The following FLT1 variants were observed in gnomAD, a reference collection of about 807,000 sequenced individuals.
The protein encoded by FLT1 is fms related receptor tyrosine kinase 1.
A neutral mutation model predicts 156.3 loss-of-function variants in FLT1; 49 were observed. The ratio of observed to expected loss-of-function variants is 0.31; its 90% CI spans 0.25 to 0.40. The LOEUF is 0.40. Ranked by LOEUF, FLT1 falls within the 10% of genes least tolerant of loss-of-function variation. The pLI is 1.00. For synonymous variants in FLT1, 594 were observed against 583.8 expected, an observed-to-expected ratio of 1.02 and a Z score of -0.25; for missense variants, 1,322 against 1,637.2, an observed-to-expected ratio of 0.81 and a Z score of 3.32.
At position 28,470,823 on chromosome 13, in the gene FLT1, T is replaced by C. The variant is rs1593831147; in HGVS notation, c.65-3206A>G. ...CTCCTGCCTCAGCCTTCCAAGTAGCTGTGATTACAGGCGCCTGCCACCACA... is the reference window on the plus strand; with the variant it reads ...CTCCTGCCTCAGCCTTCCAAGTAGCCGTGATTACAGGCGCCTGCCACCACA... On this transcript the variant is annotated intron_variant, in intron 1 of 29. Coordinates refer to ENST00000282397, the MANE Select transcript of FLT1 (RefSeq NM_002019.4). Among the ~76,000 whole-genome samples, 3 of 152,318 alleles carry C rather than the reference T, an allele frequency of 2.0e-5. No individual in the cohort carries two copies. In the East Asian group the frequency reaches 5.8e-4, roughly 29 times the overall value.
intron 10 of FLT1, among the ~76,000 whole-genome samples, chr13:28,421,926 G>A (rs1030936221): frequency 2.0e-5 from 3 of 152,268 alleles, no homozygotes; most frequent in Non-Finnish European, 2.9e-5. Flanking sequence ...AGTCAGGGAC[G>A]GTGCCAAGAA....
At chr13:28,310,158 G>C (rs988607885) in intron 27 of FLT1, among the ~76,000 whole-genome samples, 6 of 152,120 alleles carry the variant, frequency 3.9e-5, no homozygotes, top group African/African-American at 1.4e-4. Context: ...CCAGAGTGCT[G>C]GGATTACAGG....
chr13:28,337,149 C>CT (rs80124550), intron 17 of FLT1, among the ~76,000 whole-genome samples: 5,591 of 143,008 alleles, frequency 0.039, 282 homozygotes, highest in Admixed American at 0.16. Flanking sequence ...AGTGAGGAAT[C>CT]TTTTTTTTTT....
Position 28,322,976 on chromosome 13 carries a change from A to T in FLT1, c.2797-30T>A, listed in dbSNP as rs1327615428. On this transcript the variant is annotated intron_variant, in intron 20 of 29. Coordinates refer to ENST00000282397, the MANE Select transcript of FLT1 (RefSeq NM_002019.4). The surrounding 1 kb of genome is among the most constrained non-coding windows in gnomAD (Gnocchi z 4.3). ...GAAGAGACCGAAAAGGACCCAGGTG[A>T]AAAGGAGCTCCAGCACAGCAGTGGG... 6.2e-7 allele frequency: 1 copy of T among 1,613,358 alleles called. No homozygotes were observed. Among genetic ancestry groups the T allele is most frequent in the East Asian group, 2.2e-5 (1 of 44,886 alleles).
intron 3 of FLT1, among the ~76,000 whole-genome samples, chr13:28,451,656 T>C (rs1448040005): frequency 6.6e-6 from 1 of 151,972 alleles, no homozygotes; most frequent in East Asian, 1.9e-4. Context: ...AGGAGGGCAG[T>C]TGAGGGGAGG....
chr13:28,437,700 C>G (rs1878106925), intron 4 of FLT1, among the ~76,000 whole-genome samples: 1 of 152,154 alleles, frequency 6.6e-6, no homozygotes, highest in Non-Finnish European at 1.5e-5. Context: ...CTTCTTTCCT[C>G]CCTTTTTCCC....
Position 28,334,062 on chromosome 13 carries a change from T to C in FLT1, c.2556A>G (p.Ser852=), listed in dbSNP as rs745375545. ...VQASAFGIKK[S]PTCRTVAVKM... ...TCACAGCCACAGTCCGGCACGTAGG[T>C]GATTTCTTAATGCCAAATGCTGATG... is the stretch of plus-strand genomic sequence containing the variant. The change falls in exon 18 of 30, where the codon TCA becomes TCG. Residue 852 remains serine (S), a synonymous_variant. Coordinates refer to ENST00000282397, the MANE Select transcript of FLT1 (RefSeq NM_002019.4). 1.2e-4 allele frequency: 190 copies of C among 1,613,544 alleles called. No individual in the cohort carries two copies. Among genetic ancestry groups the C allele is most frequent in the Non-Finnish European group, 1.6e-4 (187 of 1,179,582 alleles).
At chr13:28,389,539 G>T in intron 13 of FLT1, 1 of 1,429,900 alleles carries the variant, frequency 7.0e-7, no homozygotes, top group South Asian at 1.6e-5. Flanking sequence ...CAGCCCCCTC[G>T]GCCTGAATGG....
chr13:28,409,806 G>T (rs960396995), intron 10 of FLT1, among the ~76,000 whole-genome samples: 39 of 151,292 alleles, frequency 2.6e-4, no homozygotes, highest in African/African-American at 9.2e-4. Flanking sequence ...AGTAAGAAAA[G>T]ACATCTCAAA....
At position 28,345,492 on chromosome 13, in the gene FLT1, TC is replaced by T; in HGVS notation, c.2307del (p.Thr770LeufsTer7). On this transcript the variant is annotated frameshift_variant, in exon 16 of 30. Transcript: ENST00000282397. LOFTEE classifies it high-confidence loss of function. Reference protein sequence around the residue: ...LITLTCTCVAATLFWLLLTLF... With the variant: ...LITLTCTCVAXTLFWLLLTLF... ...AGGGTTAATAGGAGCCAGAAGAGAG[TC>T]GCAGCCACACAGGTGCATGTTAGAG... 6.2e-7 allele frequency: 1 copy of T among 1,612,930 alleles called. No homozygotes were observed. Among genetic ancestry groups the T allele is most frequent in the Middle Eastern group, 1.7e-4 (1 of 6,056 alleles).
intron 11 of FLT1, among the ~76,000 whole-genome samples, chr13:28,402,350 C>T (rs1875495346): frequency 1.3e-5 from 2 of 152,120 alleles, no homozygotes; most frequent in African/African-American, 4.8e-5. Flanking sequence ...AAGGAAAAAG[C>T]ACTGCATATA....
In FLT1 at chr13:28,405,732, G is replaced by T. The variant is rs537671237; in HGVS notation, c.1551+48C>A. On this transcript the variant is annotated intron_variant, in intron 11 of 29. Transcript: ENST00000282397. Reference sequence around the variant, plus strand: ...ATAAACCTAGAATTGGGAGCTGAGAGTGTATTTGTGGAATAAATATCCCAG... The same window carrying T: ...ATAAACCTAGAATTGGGAGCTGAGATTGTATTTGTGGAATAAATATCCCAG... 5.0e-6 allele frequency: 5 copies of T among 1,009,362 alleles called. No homozygotes were observed. The African/African-American group carries it at 6.3e-5, about 13-fold the overall frequency. The allele number at this position is 1,009,362 out of a possible 1,614,324, so 62.5% of individuals were successfully genotyped here.
chr13:28,321,448 A>ATGTAAG lies in FLT1; in HGVS notation c.3174+14_3174+15insCTTACA, dbSNP rs780769183. On this transcript the variant is annotated intron_variant, in intron 23 of 29. Transcript: ENST00000282397. The stretch of plus-strand genomic sequence containing the variant: ...TAGGACACACATGAGTCAAATAAAC[A>ATGTAAG]TCAAACTGACTTACATCTCCTTTTC... 6.2e-7 allele frequency: 1 copy of ATGTAAG among 1,613,658 alleles called. No individual in the cohort carries two copies. Among genetic ancestry groups the ATGTAAG allele is most frequent in the Admixed American group, 1.7e-5 (1 of 60,036 alleles).
intron 10 of FLT1, among the ~76,000 whole-genome samples, chr13:28,409,397 C>A (rs1361493524): frequency 6.6e-6 from 1 of 150,584 alleles, no homozygotes; most frequent in Non-Finnish European, 1.5e-5. Context: ...TGCAGTGGAG[C>A]AATCTTGGCT....
intron 11 of FLT1, chr13:28,399,034 C>A (rs1285791497): frequency 6.5e-7 from 1 of 1,540,338 alleles, no homozygotes; most frequent in Non-Finnish European, 8.8e-7. Context: ...TTGTACCCAC[C>A]CGTTTAGAGT....
intron 3 of FLT1, among the ~76,000 whole-genome samples, chr13:28,457,177 T>C (rs776029025): frequency 8.0e-5 from 12 of 150,740 alleles, no homozygotes; most frequent in Non-Finnish European, 1.3e-4. Flanking sequence ...AAAAAAATCA[T>C]ACACACACAC....
chr13:28,393,259 G>T (rs1399397586), intron 12 of FLT1, among the ~76,000 whole-genome samples: 1 of 152,102 alleles, frequency 6.6e-6, no homozygotes, highest in Non-Finnish European at 1.5e-5. Context: ...TATTTATAAA[G>T]GTGCATACTT....
At chr13:28,476,130 C>T (rs529628928) in intron 1 of FLT1, among the ~76,000 whole-genome samples, 8 of 142,706 alleles carry the variant, frequency 5.6e-5, no homozygotes, top group African/African-American at 2.3e-4. Flanking sequence ...CACACACATG[C>T]ACACACACAC....
intron 13 of FLT1, chr13:28,387,820 A>AG (rs1349314306): frequency 9.5e-7 from 1 of 1,056,884 alleles, no homozygotes; most frequent in Non-Finnish European, 1.1e-6. Context: ...AAAAAAAAAA[A>AG]AAAGACTCTC....
Sources: gnomAD v4.1 joint callset for allele counts (sites outside exome capture counted in the v4.1 genomes callset) on GRCh38, gnomAD v4.1.1 for gene constraint, Gnocchi (gnomAD v3.1) non-coding constraint, MANE v1.5 for transcripts, NCBI Gene and HGNC (gene_info 2026-07-23, HGNC 2026-07-21) for gene names.